CAPN14: variants seen among roughly 807,000 people sequenced by gnomAD.
The protein encoded by CAPN14 is calpain-14.
In CAPN14, 94 loss-of-function variants were observed where a neutral mutation model predicts 101.3. That is an observed-to-expected ratio of 0.93 (90% CI 0.79 to 1.10). The LOEUF is 1.10. Among genes scored for constraint, CAPN14 ranks in the 50% least tolerant of loss-of-function variants. The pLI, the probability that CAPN14 is intolerant of heterozygous loss-of-function variation, is 0.00. For synonymous variants in CAPN14, 338 were observed against 317.9 expected (o/e 1.06, Z -0.67); for missense variants, 837 against 828.4 (o/e 1.01, Z -0.13).
At chr2:31,190,137 T>TTCTCTCTCTCTCTCTCTCTCTCTC (rs3031867) in intron 12 of CAPN14, among the ~76,000 whole-genome samples, 4 of 142,770 alleles carry the variant, frequency 2.8e-5, no homozygotes, top group South Asian at 2.3e-4. Context: ...CTGATTCATA[T>TTCTCTCTCTCTCTCTCTCTCTCTC]TCTCTCTCTC....
At chr2:31,220,105 C>A (rs1217753438), upstream of CAPN14, among the ~76,000 whole-genome samples, 1 of 152,172 alleles carries the variant, frequency 6.6e-6, no homozygotes, top group Non-Finnish European at 1.5e-5. Flanking sequence ...AAGTCCTTAA[C>A]CTCACCATAA....
rs949875963 is a variant in CAPN14 at position 31,201,910 on chromosome 2, G to T, written c.503C>A (p.Thr168Asn). Residue 168 changes from threonine (T) to asparagine (N), a missense_variant, in exon 5 of 22, where the codon ACC becomes AAC. Coordinates refer to ENST00000403897, the MANE Select transcript of CAPN14 (RefSeq NM_001145122.2). ...TGCTCCCCAGAACAAGTTCTTATAG[G>T]TGGAGGAGACAAAGACCAGCTGGCC... ...EAGQLVFVSS[T>N]YKNLFWGALL... 2 of 1,551,744 alleles carry T rather than the reference G, an allele frequency of 1.3e-6. No individual in the cohort carries two copies. Among genetic ancestry groups the T allele is most frequent in the Non-Finnish European group, 1.7e-6 (2 of 1,147,000 alleles).
intron 21 of CAPN14, among the ~76,000 whole-genome samples, chr2:31,175,755 A>G (rs1680258921): frequency 6.6e-6 from 1 of 152,210 alleles, no homozygotes; most frequent in Non-Finnish European, 1.5e-5. Context: ...GACATTTGAG[A>G]TCAAGAAAAA....
At chr2:31,185,209 G>T (rs1396828924) in intron 16 of CAPN14, among the ~76,000 whole-genome samples, 1 of 152,184 alleles carries the variant, frequency 6.6e-6, no homozygotes, top group Non-Finnish European at 1.5e-5. Flanking sequence ...AGGGCAGACA[G>T]AATCTAAGAA....
At chr2:31,205,738 T>G (rs1009182441) in intron 1 of CAPN14, among the ~76,000 whole-genome samples, 1 of 151,810 alleles carries the variant, frequency 6.6e-6, no homozygotes. Context: ...AAGGGAAAGT[T>G]CTCTCAAGCC....
intron 1 of CAPN14, among the ~76,000 whole-genome samples, chr2:31,211,033 C>T (rs1197487778): frequency 1.3e-5 from 2 of 151,892 alleles, no homozygotes; most frequent in African/African-American, 2.4e-5. Context: ...ATTTATTTAA[C>T]CCAAGAAAAG....
chr2:31,201,159 G>A lies in CAPN14; in HGVS notation c.552-534C>T, dbSNP rs190663240. 7.5e-3 allele frequency among the ~76,000 whole-genome samples: 1,075 copies of A among 143,900 alleles called. 8 individuals carry two copies. The highest frequency in any genetic ancestry group is 0.014 in the East Asian group (72 of 5,010). The allele number at this position is 143,900 out of a possible 152,430, so 94.4% of individuals were successfully genotyped here. A position where few individuals can be genotyped will look rare whatever the true frequency, so the allele number is the denominator to read the frequency against. On this transcript the variant is annotated intron_variant, in intron 5 of 21. Transcript: ENST00000403897. ...TGTGGACGTGTGTGTGTGCATGTGC[G>A]TATGTGTGTGCGTGCATGTATGTGC...
intron 1 of CAPN14, among the ~76,000 whole-genome samples, chr2:31,213,393 T>C (rs1028993664): frequency 1.3e-5 from 2 of 152,266 alleles, no homozygotes; most frequent in African/African-American, 2.4e-5. Flanking sequence ...CTGTCTGGTA[T>C]TGTCCGTGGC....
intron 17 of CAPN14, among the ~76,000 whole-genome samples, chr2:31,179,402 A>G (rs1254847237): frequency 6.6e-6 from 1 of 152,122 alleles, no homozygotes; most frequent in East Asian, 1.9e-4. Flanking sequence ...ACATGAACTC[A>G]TCTTTTTATA....
In CAPN14 at chr2:31,176,793, T is replaced by C. The variant is rs6720151; in HGVS notation, c.1973-151A>G. Reference sequence around the variant, plus strand: ...CTACATGTGACCACACGCAGCCACATCTATGATAAGTGAGCCACTTCAAGC... The same window carrying C: ...CTACATGTGACCACACGCAGCCACACCTATGATAAGTGAGCCACTTCAAGC... On this transcript the variant is annotated intron_variant, in intron 20 of 21. Coordinates refer to ENST00000403897, the MANE Select transcript of CAPN14 (RefSeq NM_001145122.2). 0.37 allele frequency among the ~76,000 whole-genome samples: 56,607 copies of C among 152,132 alleles called. 12,570 individuals carry two copies. The highest frequency in any genetic ancestry group is 0.62 in the African/African-American group (25,596 of 41,498).
Position 31,187,521 on chromosome 2 carries a change from A to G in CAPN14, c.1587+237T>C, listed in dbSNP as rs141241467. ...GATTAAAGTTGCTTTCCCTACAACT[A>G]ATCAATGAGCGTCCAAGAACAGAGA... On this transcript the variant is annotated intron_variant, in intron 15 of 21. Transcript: ENST00000403897. 4.6e-5 allele frequency among the ~76,000 whole-genome samples: 7 copies of G among 152,200 alleles called. No individual in the cohort carries two copies. The East Asian group carries it at 1.4e-3, about 29-fold the overall frequency.
At chr2:31,193,084 CG>C (rs754216663) in intron 10 of CAPN14, 46 bp downstream of exon 10, 48 of 1,505,538 alleles carry the variant, frequency 3.2e-5, no homozygotes, top group Admixed American at 2.3e-4. Context: ...CTGACACCCC[CG>C]CCCACAACCT....
intron 16 of CAPN14, among the ~76,000 whole-genome samples, 172 bp downstream of exon 16, chr2:31,186,256 A>G (rs1360927053): frequency 6.6e-6 from 1 of 152,216 alleles, no homozygotes; most frequent in Non-Finnish European, 1.5e-5. Flanking sequence ...AAGTTGTATA[A>G]ATTTCCCTAC....
intron 9 of CAPN14, among the ~76,000 whole-genome samples, chr2:31,193,824 C>T (rs1239565820): frequency 1.3e-5 from 2 of 152,216 alleles, no homozygotes; most frequent in African/African-American, 2.4e-5. Flanking sequence ...AGGGAGAGGG[C>T]GGTGGCAGGC....
intron 1 of CAPN14, among the ~76,000 whole-genome samples, chr2:31,208,324 T>C (rs1682211157): frequency 6.6e-6 from 1 of 152,198 alleles, no homozygotes. Flanking sequence ...TCTCCCTTTT[T>C]GCCCCTTCAA....
At chr2:31,202,817 T>C (rs1167595420) in intron 3 of CAPN14, among the ~76,000 whole-genome samples, 2 of 152,196 alleles carry the variant, frequency 1.3e-5, no homozygotes, top group Non-Finnish European at 2.9e-5. Context: ...TTTAGACCTG[T>C]AAACTGGTAA....
Position 31,178,579 on chromosome 2 carries a change from G to C in CAPN14, c.1711C>G (p.Leu571Val). ...ATGCTCATAGTACCTGATGCATTAA[G>C]CTGATTAATAGGTTAAGGTAAAAGC... is the stretch of plus-strand genomic sequence containing the variant. ...ACQGILALLD[L>V]NASGTMSIQE... Residue 571 changes from leucine (L) to valine (V), a missense_variant and splice_region_variant, in exon 18 of 22, where the codon CTT becomes GTT. Coordinates refer to ENST00000403897, the MANE Select transcript of CAPN14 (RefSeq NM_001145122.2). The C allele has an allele frequency of 6.5e-7, 1 of 1,533,606 alleles. No individual in the cohort carries two copies. Among genetic ancestry groups the C allele is most frequent in the Non-Finnish European group, 8.8e-7 (1 of 1,139,148 alleles). The allele number at this position is 1,533,606 out of a possible 1,614,324, so 95.0% of individuals were successfully genotyped here. A position where few individuals can be genotyped will look rare whatever the true frequency, so the allele number is the denominator to read the frequency against.
At chr2:31,210,434 C>A (rs183258403) in intron 1 of CAPN14, among the ~76,000 whole-genome samples, 2 of 142,756 alleles carry the variant, frequency 1.4e-5, no homozygotes, top group African/African-American at 5.7e-5. Context: ...GGCGACAGAG[C>A]GTGTCTCCAT....
chr2:31,174,368 C>A lies in CAPN14; in HGVS notation c.*313G>T. ...GAGGCAGTGTTGTATGGAGGCTAACCACACCAGCTCTGGAGTCAGAATGCT... is the reference window on the plus strand; with the variant it reads ...GAGGCAGTGTTGTATGGAGGCTAACAACACCAGCTCTGGAGTCAGAATGCT... On this transcript the variant is annotated 3_prime_UTR_variant, in exon 22 of 22. Transcript: ENST00000403897. The A allele has an allele frequency of 2.0e-6, 1 of 504,982 alleles. No homozygotes were observed. Among genetic ancestry groups the A allele is most frequent in the Non-Finnish European group, 3.6e-6 (1 of 281,016 alleles). 31.3% of individuals were successfully genotyped at this position (504,982 alleles called of 1,614,324 possible). A position where few individuals can be genotyped will look rare whatever the true frequency, so the allele number is the denominator to read the frequency against.
Sources: gnomAD v4.1 joint callset for allele counts (sites outside exome capture counted in the v4.1 genomes callset) on GRCh38, gnomAD v4.1.1 for gene constraint, MANE v1.5 for transcripts, NCBI Gene and HGNC (gene_info 2026-07-23, HGNC 2026-07-21) for gene names.